DNASE2B: variants seen among roughly 807,000 people sequenced by gnomAD.
DNASE2B encodes the protein deoxyribonuclease-2-beta.
A neutral mutation model predicts 46.0 loss-of-function variants in DNASE2B; 43 were observed. The observed-to-expected ratio is 0.94, with a 90% CI of 0.73 to 1.21. DNASE2B has a LOEUF of 1.21. Among genes scored for constraint, DNASE2B ranks in the 50% most tolerant of loss-of-function variants. The probability of loss-of-function intolerance (pLI) is 0.00; values close to 1 mark genes in which losing one functional copy is unlikely to be tolerated. For missense variants in DNASE2B, 395 were observed against 414.4 expected (o/e 0.95, Z 0.41); for synonymous variants, 156 against 152.5 (o/e 1.02, Z -0.17).
At position 84,412,362 on chromosome 1, in the gene DNASE2B, G is replaced by T. The variant is rs1333109031; in HGVS notation, c.561G>T (p.Leu187Phe). The stretch of plus-strand genomic sequence containing the variant: ...TTCTTGATTCAGATTCTCAGCTCTT[G>T]GTCTGCAACCCCAACGTCTATAGCT... ...NQYEAIDSQLLVCNPNVYSCS... is the reference protein window; with the variant it reads ...NQYEAIDSQLFVCNPNVYSCS... The change falls in exon 5 of 6, where the codon TTG becomes TTT. Residue 187 changes from leucine (L) to phenylalanine (F), a missense_variant. By Grantham distance (22) the Leu-to-Phe change is conservative (BLOSUM62 0). Transcript: ENST00000370665. 1 of 1,549,022 alleles carries T rather than the reference G, an allele frequency of 6.5e-7. No homozygotes were observed. The highest frequency in any genetic ancestry group is 2.3e-5 in the East Asian group (1 of 42,932).
intron 2 of DNASE2B, among the ~76,000 whole-genome samples, chr1:84,405,119 T>G (rs547711412): frequency 3.3e-5 from 5 of 152,310 alleles, no homozygotes; most frequent in African/African-American, 1.2e-4. Context: ...ATCTTAATTT[T>G]TTTTTTTTTA....
intron 3 of DNASE2B, among the ~76,000 whole-genome samples, 176 bp from the exon 4 acceptor site, chr1:84,410,662 G>A (rs1212129690): frequency 6.6e-6 from 1 of 152,186 alleles, no homozygotes; most frequent in Non-Finnish European, 1.5e-5. Context: ...CAGGCAATGT[G>A]ATATGTGCCA....
chr1:84,400,876 G>A (rs1570298311), intron 1 of DNASE2B, among the ~76,000 whole-genome samples: 2 of 152,184 alleles, frequency 1.3e-5, no homozygotes, highest in African/African-American at 4.8e-5. Context: ...ATAATTTCAT[G>A]TTTCCTGCCA....
Position 84,414,797 on chromosome 1 carries a change from AT to A in DNASE2B, c.1018del (p.Cys340ValfsTer14). On this transcript the variant is annotated frameshift_variant, in exon 6 of 6. Transcript: ENST00000370665. LOFTEE classifies it high-confidence loss of function. Reference protein sequence around the residue: ...PHQAFRSGGFICTQNWQIYQA... With the variant: ...PHQAFRSGGFXCTQNWQIYQA... ...CCAAGCCTTCAGAAGTGGAGGATTC[AT>A]TTGTACCCAGAATTGGCAAATTTAC... The A allele has an allele frequency of 1.2e-6, 2 of 1,614,196 alleles. No homozygotes were observed. The highest frequency in any genetic ancestry group is 1.7e-6 in the Non-Finnish European group (2 of 1,180,028).
At chr1:84,400,710 C>T (rs1257236198) in intron 1 of DNASE2B, among the ~76,000 whole-genome samples, 1 of 152,156 alleles carries the variant, frequency 6.6e-6, no homozygotes, top group Non-Finnish European at 1.5e-5. Context: ...TGGTGGGCCA[C>T]CAAATTGTGA....
intron 3 of DNASE2B, 123 bp from the exon 4 acceptor site, chr1:84,410,715 G>C (rs1680573044): frequency 1.1e-6 from 1 of 897,254 alleles, no homozygotes; most frequent in African/African-American, 1.7e-5. Context: ...TGATCCTTGT[G>C]ATTATTAGCC....
At chr1:84,400,028 G>A (rs1036490802) in intron 1 of DNASE2B, among the ~76,000 whole-genome samples, 3 of 152,160 alleles carry the variant, frequency 2.0e-5, no homozygotes, top group African/African-American at 7.2e-5. Context: ...AGAAGACTTG[G>A]TGATGGATGG....
chr1:84,404,755 A>G (rs1680472535), intron 2 of DNASE2B, among the ~76,000 whole-genome samples: 1 of 152,212 alleles, frequency 6.6e-6, no homozygotes, highest in Admixed American at 6.5e-5. Flanking sequence ...CCAATTTAGA[A>G]AAAGGGTTTT....
At chr1:84,408,314 A>G in intron 2 of DNASE2B, 123 bp from the exon 3 acceptor site, 2 of 1,323,502 alleles carry the variant, frequency 1.5e-6, no homozygotes, top group Non-Finnish European at 1.9e-6. Context: ...TATTAGGGGA[A>G]TAGATGACTT....
intron 2 of DNASE2B, 192 bp from the exon 3 acceptor site, chr1:84,408,245 A>G: frequency 2.2e-6 from 2 of 895,382 alleles, no homozygotes; most frequent in Non-Finnish European, 3.0e-6. Context: ...ACAGTTAAAA[A>G]TGGACTTTCT....
At chr1:84,410,707 A>G in intron 3 of DNASE2B, 131 bp from the exon 4 acceptor site, 1 of 854,636 alleles carries the variant, frequency 1.2e-6, no homozygotes, top group Non-Finnish European at 1.8e-6. Flanking sequence ...AATAAGCATG[A>G]TCCTTGTGAT....
In DNASE2B at chr1:84,401,922, T is replaced by C. The variant is rs147022400; in HGVS notation, c.147T>C (p.Pro49=). The change falls in exon 2 of 6, where the codon CCT becomes CCC. Residue 49 remains proline, a synonymous_variant. Transcript: ENST00000370665. ...AVDWFTFYKL[P]KRQNKESGET... ...TTAGGTTTACTTTTTATAAGTTACC[T>C]AAAAGACAAAACAAGGAAAGTGGAG... 289 of 1,528,998 alleles carry C rather than the reference T, an allele frequency of 1.9e-4. 2 individuals carry two copies. In the African/African-American group the frequency reaches 3.8e-3, roughly 20 times the overall value. 94.7% of individuals were successfully genotyped at this position (1,528,998 alleles called of 1,614,324 possible).
intron 5 of DNASE2B, among the ~76,000 whole-genome samples, chr1:84,413,139 C>A (rs1369427138): frequency 6.6e-6 from 1 of 152,090 alleles, no homozygotes; most frequent in Admixed American, 6.5e-5. Context: ...AGGCTACTTT[C>A]TCATAACATA....
Position 84,401,945 on chromosome 1 carries a change from G to C in DNASE2B, c.170G>C (p.Gly57Ala). 1 of 1,567,596 alleles carries C rather than the reference G, an allele frequency of 6.4e-7. No individual in the cohort carries two copies. ...KLPKRQNKES[G>A]ETGLEYLYLD... ...CCTAAAAGACAAAACAAGGAAAGTGGAGAGACTGGGTTAGAGTACCTGTAC... is the reference window on the plus strand; with the variant it reads ...CCTAAAAGACAAAACAAGGAAAGTGCAGAGACTGGGTTAGAGTACCTGTAC... Residue 57 changes from glycine (G) to alanine (A), a missense_variant, in exon 2 of 6, where the codon GGA becomes GCA. Gly to Ala is a moderately conservative substitution (Grantham distance 60, BLOSUM62 0). Transcript: ENST00000370665.
chr1:84,410,659 T>A (rs2101852516), intron 3 of DNASE2B, among the ~76,000 whole-genome samples, 179 bp from the exon 4 acceptor site: 1 of 152,332 alleles, frequency 6.6e-6, no homozygotes, highest in South Asian at 2.1e-4. Context: ...AATCAGGCAA[T>A]GTGATATGTG....
chr1:84,412,960 C>T (rs139289211), intron 5 of DNASE2B, among the ~76,000 whole-genome samples: 23 of 145,468 alleles, frequency 1.6e-4, no homozygotes, highest in African/African-American at 6.0e-4. Context: ...GCTACCCCCC[C>T]CCCACCCCTC....
At chr1:84,406,000 AT>A (rs1680485988) in intron 2 of DNASE2B, among the ~76,000 whole-genome samples, 1 of 152,136 alleles carries the variant, frequency 6.6e-6, no homozygotes, top group South Asian at 2.1e-4. Context: ...CATATATTGT[AT>A]GCATTCATAA....
chr1:84,401,496 A>G (rs1275579569), intron 1 of DNASE2B, among the ~76,000 whole-genome samples: 1 of 152,208 alleles, frequency 6.6e-6, no homozygotes, highest in Admixed American at 6.5e-5. Flanking sequence ...GCAGCTTATG[A>G]CAGGGGCTCA....
chr1:84,398,839 C>T, intron 1 of DNASE2B, 150 bp downstream of exon 1: 1 of 1,231,728 alleles, frequency 8.1e-7, no homozygotes, highest in Non-Finnish European at 1.1e-6. Context: ...GGCCAAACTC[C>T]CAGGCAGGGG....
Sources: allele counts gnomAD v4.1 joint callset (sites outside exome capture counted in the v4.1 genomes callset), GRCh38; gene constraint gnomAD v4.1.1; transcripts MANE v1.5; gene names NCBI Gene and HGNC (gene_info 2026-07-23, HGNC 2026-07-21).